The following SLC39A10 variants were observed in gnomAD, a reference collection of about 807,000 sequenced individuals.
The protein encoded by SLC39A10 is zinc transporter ZIP10.
Under a neutral mutation model 65.1 loss-of-function variants are expected in SLC39A10, and 13 were observed. That is an observed-to-expected ratio of 0.20 (90% CI 0.13 to 0.32). The LOEUF (loss-of-function observed/expected upper bound fraction) is 0.32, where lower values mean the gene tolerates loss of function less well. SLC39A10 is among the 10% of genes least tolerant of loss of function. SLC39A10 has a pLI of 1.00. For synonymous variants in SLC39A10, 321 were observed against 342.2 expected (o/e 0.94, Z 0.68); for missense variants, 831 against 1,018.4 (o/e 0.82, Z 2.50).
intron 8 of SLC39A10, among the ~76,000 whole-genome samples, chr2:195,721,319 G>A (rs1692030653): frequency 6.6e-6 from 1 of 152,136 alleles, no homozygotes; most frequent in African/African-American, 2.4e-5. Flanking sequence ...CCTGTTACAT[G>A]TTTTTCATTT....
chr2:195,719,120 T>C (rs1479977480), intron 8 of SLC39A10, among the ~76,000 whole-genome samples: 1 of 151,916 alleles, frequency 6.6e-6, no homozygotes, highest in African/African-American at 2.4e-5. Flanking sequence ...TCATATATAT[T>C]ATGTTGGACT....
intron 8 of SLC39A10, among the ~76,000 whole-genome samples, chr2:195,723,224 G>C (rs1692113849): frequency 6.6e-6 from 1 of 152,156 alleles, no homozygotes; most frequent in African/African-American, 2.4e-5. Flanking sequence ...GTGGTAATGG[G>C]TTAAATTGCC....
At chr2:195,687,157 C>A (rs1193688278) in intron 3 of SLC39A10, among the ~76,000 whole-genome samples, 3 of 151,892 alleles carry the variant, frequency 2.0e-5, no homozygotes, top group Non-Finnish European at 4.4e-5. Flanking sequence ...CCCTGAGAGG[C>A]CTAGTCCCTC....
intron 3 of SLC39A10, among the ~76,000 whole-genome samples, chr2:195,684,461 G>A (rs989836988): frequency 6.6e-6 from 1 of 151,808 alleles, no homozygotes; most frequent in Non-Finnish European, 1.5e-5. Flanking sequence ...TTTTTTCATC[G>A]TACCCACTTG....
chr2:195,735,121 C>G lies in SLC39A10; in HGVS notation c.*80C>G, dbSNP rs1438657423. 7.1e-7 allele frequency: 1 copy of G among 1,415,066 alleles called. No individual in the cohort carries two copies. The highest frequency in any genetic ancestry group is 2.5e-5 in the East Asian group (1 of 39,530). 87.7% of individuals were successfully genotyped at this position (1,415,066 alleles called of 1,614,324 possible). On this transcript the variant is annotated 3_prime_UTR_variant, in exon 10 of 10. Coordinates refer to ENST00000359634, the MANE Select transcript of SLC39A10 (RefSeq NM_020342.3). ...TGTTCCTTGTACTGTATGCACATTG[C>G]TCAAAGGAAAGTCAGTGGCTTGCAC...
chr2:195,619,652 A>G (rs955810517), intron 2 of SLC39A10, among the ~76,000 whole-genome samples: 4 of 152,216 alleles, frequency 2.6e-5, no homozygotes, highest in Non-Finnish European at 5.9e-5. Flanking sequence ...TAGATCTGTG[A>G]ATTCCCAATG....
chr2:195,657,307 A>C, intron 1 of SLC39A10, 26 bp downstream of exon 1: 1 of 850,026 alleles, frequency 1.2e-6, no homozygotes, highest in Non-Finnish European at 1.4e-6. Context: ...CGATTTGTTT[A>C]CATTCCCTCC....
intron 3 of SLC39A10, among the ~76,000 whole-genome samples, chr2:195,703,271 A>G (rs879353500): frequency 6.6e-5 from 10 of 152,246 alleles, no homozygotes; most frequent in Admixed American, 1.3e-4. Context: ...ATAATTTAGA[A>G]CAATTCTCTT....
At chr2:195,674,972 A>G (rs1690027313) in intron 1 of SLC39A10, among the ~76,000 whole-genome samples, 1 of 152,224 alleles carries the variant, frequency 6.6e-6, no homozygotes, top group South Asian at 2.1e-4. Flanking sequence ...CAGGACTGGA[A>G]GCAGCTGTGA....
chr2:195,726,850 A>T (rs76705900), intron 8 of SLC39A10, among the ~76,000 whole-genome samples: 3,559 of 152,272 alleles, frequency 0.023, 134 homozygotes, highest in African/African-American at 0.08. Flanking sequence ...AAACAAGCCC[A>T]GTTAGTATTC....
chr2:195,706,469 T>A, intron 3 of SLC39A10, 147 bp from the exon 4 acceptor site: 1 of 682,352 alleles, frequency 1.5e-6, no homozygotes, highest in Non-Finnish European at 2.3e-6. Flanking sequence ...ATTTTTGTTT[T>A]GTTTTTAAAC....
chr2:195,652,871 C>G (rs10931705), upstream of SLC39A10, among the ~76,000 whole-genome samples: 2 of 151,902 alleles, frequency 1.3e-5, no homozygotes, highest in Non-Finnish European at 2.9e-5. Flanking sequence ...CACCTCCTGT[C>G]AGATCAATGG....
At chr2:195,718,932 T>C (rs2105830256) in intron 8 of SLC39A10, among the ~76,000 whole-genome samples, 1 of 152,142 alleles carries the variant, frequency 6.6e-6, no homozygotes, top group African/African-American at 2.4e-5. Flanking sequence ...ATTTCTGTTT[T>C]CATTTTATAT....
chr2:195,644,990 ACCTCTG>A (rs1464791449), intron 2 of SLC39A10, among the ~76,000 whole-genome samples: 1 of 151,426 alleles, frequency 6.6e-6, no homozygotes, highest in Non-Finnish European at 1.5e-5. Flanking sequence ...GCTCACCGCA[ACCTCTG>A]CCTCCCAGGT....
At chr2:195,703,756 C>T (rs933821627) in intron 3 of SLC39A10, among the ~76,000 whole-genome samples, 1 of 152,126 alleles carries the variant, frequency 6.6e-6, no homozygotes, top group African/African-American at 2.4e-5. Context: ...CAGGCTCCAG[C>T]CATCCTCTCA....
intron 3 of SLC39A10, among the ~76,000 whole-genome samples, chr2:195,705,377 CTATT>C (rs1244991229): frequency 1.3e-5 from 2 of 151,962 alleles, no homozygotes; most frequent in Non-Finnish European, 2.9e-5. Context: ...GATAGATTAT[CTATT>C]GTTTTAATTC....
Position 195,716,798 on chromosome 2 carries a change from G to A in SLC39A10, c.1858G>A (p.Asp620Asn). 1 of 1,614,168 alleles carries A rather than the reference G, an allele frequency of 6.2e-7. No homozygotes were observed. The highest frequency in any genetic ancestry group is 8.5e-7 in the Non-Finnish European group (1 of 1,180,026). The change falls in exon 7 of 10, where the codon GAT (aspartate) becomes AAT (asparagine). Residue 620 changes from aspartate (D) to asparagine (N), a missense_variant. Transcript: ENST00000359634. ...SDGLHTIHEHDLHAAAHNHHG... is the reference protein window; with the variant it reads ...SDGLHTIHEHNLHAAAHNHHG... ...TGGATTACATACCATTCATGAGCAT[G>A]ATCTCCATGCTGCTGCACATAACCA...
At chr2:195,623,888 A>G (rs940568948) in intron 2 of SLC39A10, among the ~76,000 whole-genome samples, 2 of 139,062 alleles carry the variant, frequency 1.4e-5, no homozygotes, top group African/African-American at 2.7e-5. Flanking sequence ...AATACAACCA[A>G]CTAAACAAAA....
chr2:195,726,843 C>G (rs1047625708), intron 8 of SLC39A10, among the ~76,000 whole-genome samples: 3 of 152,120 alleles, frequency 2.0e-5, no homozygotes, highest in African/African-American at 7.2e-5. Flanking sequence ...GGGAAAGAAA[C>G]AAGCCCAGTT....
Sources: allele counts gnomAD v4.1 joint callset (sites outside exome capture counted in the v4.1 genomes callset), GRCh38; gene constraint gnomAD v4.1.1; transcripts MANE v1.5; gene names NCBI Gene and HGNC (gene_info 2026-07-23, HGNC 2026-07-21).